Variants in TERT observed in about 807,000 individuals in gnomAD.
TERT encodes the protein telomerase reverse transcriptase, also known as telomerase catalytic subunit.
Under a neutral mutation model 104.0 loss-of-function variants are expected in TERT, and 42 were observed. The observed-to-expected ratio is 0.40, with a 90% confidence interval of 0.32 to 0.52. TERT has a LOEUF of 0.52. Among genes scored for constraint, TERT ranks in the 20% least tolerant of loss-of-function variants. The probability of loss-of-function intolerance (pLI) is 0.43; values close to 1 mark genes in which losing one functional copy is unlikely to be tolerated. For missense variants in TERT, 1,101 were observed against 1,610.3 expected (o/e 0.68, Z 5.41); for synonymous variants, 781 against 725.6 (o/e 1.08, Z -1.23).
intron 9 of TERT, 41 bp from the exon 10 acceptor site, chr5:1,266,576 T>G: frequency 6.7e-7 from 1 of 1,487,468 alleles, no homozygotes; most frequent in Non-Finnish European, 9.3e-7. Context: ...AACTTTACAC[T>G]TTTTACGTAG....
In TERT at chr5:1,262,625, A is replaced by G. The variant is rs887857561; in HGVS notation, c.2843+1779T>C. Among the ~76,000 whole-genome samples, 1 of 152,198 alleles carries G rather than the reference A, an allele frequency of 6.6e-6. No individual in the cohort carries two copies. The highest frequency in any genetic ancestry group is 2.4e-5 in the African/African-American group (1 of 41,436). ...ACACTCTGACCAAGTGGCCTTTGGGAGCACAGAATATTCTGGCATTGGACC... is the reference window on the plus strand; with the variant it reads ...ACACTCTGACCAAGTGGCCTTTGGGGGCACAGAATATTCTGGCATTGGACC... On this transcript the variant is annotated intron_variant, in intron 11 of 15. Coordinates refer to ENST00000310581, the MANE Select transcript of TERT (RefSeq NM_198253.3). This position sits in a 1 kb window ranked among gnomAD's most constrained non-coding sequence, Gnocchi z 5.6.
intron 14 of TERT, 140 bp from the exon 15 acceptor site, chr5:1,254,645 G>A (rs542808099): frequency 1.3e-4 from 118 of 924,736 alleles, no homozygotes; most frequent in Admixed American, 2.2e-4. Flanking sequence ...CAGGAGTCAC[G>A]ACAGAAATGT....
At chr5:1,254,027 C>G (rs988625997) in intron 15 of TERT, among the ~76,000 whole-genome samples, 196 bp from the exon 16 acceptor site, 1 of 152,172 alleles carries the variant, frequency 6.6e-6, no homozygotes, top group African/African-American at 2.4e-5. Context: ...AGCGGCGGGG[C>G]GGGGAGAGAA....
intron 6 of TERT, among the ~76,000 whole-genome samples, chr5:1,278,124 C>T (rs1278038240): frequency 1.3e-5 from 2 of 152,184 alleles, no homozygotes; most frequent in African/African-American, 4.8e-5. Context: ...TCAAACCTGG[C>T]TTACAGTCTC....
At position 1,256,517 on chromosome 5, in the gene TERT, C is replaced by G. The variant is rs536029074; in HGVS notation, c.3033-1106G>C. ...CCTGAGCCCCCCATGTACCTGGCCT[C>G]ACCCACTGCCTGAGCCCCCCGTGTA... On this transcript the variant is annotated intron_variant, in intron 13 of 15. Coordinates refer to ENST00000310581, the MANE Select transcript of TERT (RefSeq NM_198253.3). This position sits in a 1 kb window ranked among gnomAD's most constrained non-coding sequence, Gnocchi z 7.0. 2.7e-5 allele frequency among the ~76,000 whole-genome samples: 4 copies of G among 146,752 alleles called. No individual in the cohort carries two copies. Among genetic ancestry groups the G allele is most frequent in the Non-Finnish European group, 4.5e-5 (3 of 66,368 alleles).
chr5:1,290,090 G>A (rs1486717351), intron 2 of TERT, among the ~76,000 whole-genome samples: 6 of 23,640 alleles, frequency 2.5e-4, no homozygotes, highest in East Asian at 1.4e-3. Flanking sequence ...ACACCCGGGG[G>A]CCGCGCCTCA....
chr5:1,290,954 T>G (rs78838133), intron 2 of TERT, among the ~76,000 whole-genome samples: 1,638 of 52,620 alleles, frequency 0.031, no homozygotes, highest in Non-Finnish European at 0.04. Flanking sequence ...ACCCTGCACG[T>G]GACAGGGACA....
chr5:1,291,970 G>A (rs1751020584), intron 2 of TERT, among the ~76,000 whole-genome samples: 1 of 152,220 alleles, frequency 6.6e-6, no homozygotes, highest in African/African-American at 2.4e-5. Context: ...GTGTGAGGCA[G>A]CTGCCGTTCG....
rs948781924 is a variant in TERT, at chr5:1,292,287, C to T, written c.1573+1026G>A. Among the ~76,000 whole-genome samples, 8 of 151,986 alleles carry T rather than the reference C, an allele frequency of 5.3e-5. No homozygotes were observed. Among genetic ancestry groups the T allele is most frequent in the Non-Finnish European group, 2.9e-5 (2 of 67,992 alleles). On this transcript the variant is annotated intron_variant, in intron 2 of 15. Coordinates refer to ENST00000310581, the MANE Select transcript of TERT (RefSeq NM_198253.3). This position sits in a 1 kb window ranked among gnomAD's most constrained non-coding sequence, Gnocchi z 5.5. ...ACTGGGAGCCAAAAGGGGGCTGGAG[C>T]GGAGGTTCCTCAACATCAAATCCAG...
Position 1,274,104 on chromosome 5 carries a change from C to A in TERT, c.2287-1824G>T, listed in dbSNP as rs909959260. ...ACACTAACACGGACACAGGAGGCCT[C>A]GAGCTTGTGAGGCATCAAAAGACGC... On this transcript the variant is annotated intron_variant, in intron 6 of 15. Transcript: ENST00000310581. This position sits in a 1 kb window ranked among gnomAD's most constrained non-coding sequence, Gnocchi z 5.3. Among the ~76,000 whole-genome samples the A allele has an allele frequency of 2.6e-5, 4 of 152,212 alleles. No homozygotes were observed. The highest frequency in any genetic ancestry group is 2.6e-4 in the Admixed American group (4 of 15,286).
intron 3 of TERT, among the ~76,000 whole-genome samples, chr5:1,280,991 C>T (rs1186462664): frequency 6.6e-6 from 1 of 152,202 alleles, no homozygotes; most frequent in Non-Finnish European, 1.5e-5. Flanking sequence ...GGTGCCCTGA[C>T]CGCAGGCCGC....
chr5:1,272,536 T>G (rs1402086654), intron 6 of TERT, among the ~76,000 whole-genome samples: 1 of 128,434 alleles, frequency 7.8e-6, no homozygotes, highest in Admixed American at 7.4e-5. Context: ...CCATCCACAG[T>G]CACCACATCA....
intron 6 of TERT, among the ~76,000 whole-genome samples, chr5:1,272,588 C>T (rs1238114519): frequency 1.6e-5 from 1 of 62,374 alleles, no homozygotes; most frequent in Admixed American, 1.4e-4. Context: ...TCAGACCCTA[C>T]GACCGCCATC....
chr5:1,271,389 G>A (rs946857165), intron 7 of TERT, among the ~76,000 whole-genome samples, 185 bp from the exon 8 acceptor site: 2 of 152,268 alleles, frequency 1.3e-5, no homozygotes, highest in African/African-American at 4.8e-5. Context: ...ATGGGCTTAG[G>A]CAGAGTGTGT....
intron 15 of TERT, 116 bp downstream of exon 15, chr5:1,254,252 G>A (rs1747549485): frequency 2.1e-6 from 3 of 1,432,400 alleles, no homozygotes; most frequent in South Asian, 1.2e-5. Flanking sequence ...GGCCCCCAGG[G>A]TCAGGCCCGG....
At chr5:1,283,445 T>A (rs1750203817) in intron 2 of TERT, among the ~76,000 whole-genome samples, 3 of 141,190 alleles carry the variant, frequency 2.1e-5, no homozygotes, top group Non-Finnish European at 3.1e-5. Flanking sequence ...ACACCGCACA[T>A]CCAGCTAACC....
intron 1 of TERT, 29 bp from the exon 2 acceptor site, chr5:1,294,695 C>A (rs1471506046): frequency 6.3e-7 from 1 of 1,583,848 alleles, no homozygotes; most frequent in Admixed American, 1.7e-5. Context: ...GAGTCGCCTG[C>A]GCTGCTCTCC....
rs1750659305 is a variant in TERT at position 1,288,918 on chromosome 5, A to G, written c.1573+4395T>C. ...GTGTCCCCGTAGCAAAATGGAACGG[A>G]GAGGTGACCAAGAAGAGCCGAGCAT... On this transcript the variant is annotated intron_variant, in intron 2 of 15. Transcript: ENST00000310581. The surrounding 1 kb of genome is among the most constrained non-coding windows in gnomAD (Gnocchi z 5.3). Among the ~76,000 whole-genome samples the G allele has an allele frequency of 6.6e-6, 1 of 152,188 alleles. No individual in the cohort carries two copies. The highest frequency in any genetic ancestry group is 1.5e-5 in the Non-Finnish European group (1 of 68,018).
At chr5:1,280,400 C>G in intron 3 of TERT, 62 bp from the exon 4 acceptor site, 1 of 1,557,242 alleles carries the variant, frequency 6.4e-7, no homozygotes. Flanking sequence ...GGGAAGCTCA[C>G]GGGAAGCCAC....
Sources: gnomAD v4.1 joint callset for allele counts (sites outside exome capture counted in the v4.1 genomes callset) on GRCh38, gnomAD v4.1.1 for gene constraint, Gnocchi (gnomAD v3.1) non-coding constraint, MANE v1.5 for transcripts, NCBI Gene and HGNC (gene_info 2026-07-23, HGNC 2026-07-21) for gene names.